The following HSD17B12 variants were observed in gnomAD, a reference collection of about 807,000 sequenced individuals.
The protein encoded by HSD17B12 is hydroxysteroid 17-beta dehydrogenase 12.
HSD17B12 carries 32 observed loss-of-function variants against 39.3 expected under a neutral mutation model. That is an observed-to-expected ratio of 0.81 (90% CI 0.61 to 1.09). The LOEUF is 1.09. Ranked by LOEUF, HSD17B12 falls within the 50% of genes least tolerant of loss-of-function variation. HSD17B12 has a pLI of 0.00. For synonymous variants in HSD17B12, 150 were observed against 146.7 expected (o/e 1.02, Z -0.16); for missense variants, 342 against 382.9 (o/e 0.89, Z 0.89).
chr11:43,704,812 A>G (rs749157343), intron 1 of HSD17B12, among the ~76,000 whole-genome samples: 2 of 152,160 alleles, frequency 1.3e-5, no homozygotes, highest in Non-Finnish European at 2.9e-5. Flanking sequence ...CACCTTGAAG[A>G]CCAGACAGAA....
At chr11:43,560,929 A>G in the HSD17B12 span, among the ~76,000 whole-genome samples, 1 of 152,194 alleles carries the variant, frequency 6.6e-6, no homozygotes, top group Non-Finnish European at 1.5e-5. Context: ...GCAGCAAAAA[A>G]AAACTTGAAC....
chr11:43,783,286 A>G (rs949263730), intron 3 of HSD17B12, among the ~76,000 whole-genome samples: 2 of 152,060 alleles, frequency 1.3e-5, no homozygotes, highest in Middle Eastern at 6.8e-3. Context: ...CTTGATTTCG[A>G]TGGTTACATC....
At chr11:43,638,582 G>A in the HSD17B12 span, among the ~76,000 whole-genome samples, 4 of 152,184 alleles carry the variant, frequency 2.6e-5, no homozygotes, top group Non-Finnish European at 5.9e-5. Context: ...AAACGGAAAG[G>A]GAAGTTTGGG....
the HSD17B12 span, among the ~76,000 whole-genome samples, chr11:43,625,137 G>GT: frequency 2.0e-5 from 3 of 151,728 alleles, no homozygotes; most frequent in African/African-American, 7.2e-5. Context: ...GCTGTTTTAT[G>GT]TTTTAAAAAA....
At chr11:43,571,065 C>T in the HSD17B12 span, among the ~76,000 whole-genome samples, 1 of 152,196 alleles carries the variant, frequency 6.6e-6, no homozygotes, top group African/African-American at 2.4e-5. Flanking sequence ...TCTTGGCCTA[C>T]CAGATATAGT....
At position 43,778,429 on chromosome 11, in the gene HSD17B12, C is replaced by T. The variant is rs11037630; in HGVS notation, c.284-19891C>T. ...GTATAAGGAGGAACTGGTACCATTC[C>T]TTCTGAAACTATTCCAATCAATAGA... On this transcript the variant is annotated intron_variant, in intron 3 of 10. Coordinates refer to ENST00000278353, the MANE Select transcript of HSD17B12 (RefSeq NM_016142.3). 3.8e-3 allele frequency among the ~76,000 whole-genome samples: 585 copies of T among 152,186 alleles called. 3 individuals are homozygous for T. In the East Asian group the frequency reaches 0.043, roughly 11 times the overall value.
At chr11:43,851,062 A>G (rs1186138927) in intron 9 of HSD17B12, among the ~76,000 whole-genome samples, 1 of 152,236 alleles carries the variant, frequency 6.6e-6, no homozygotes, top group Non-Finnish European at 1.5e-5. Context: ...CTCCATCTCA[A>G]GATACCAAGT....
At chr11:43,690,396 ATATATATATTT>A (rs1349568827) in intron 1 of HSD17B12, among the ~76,000 whole-genome samples, 1 of 27,416 alleles carries the variant, frequency 3.6e-5, no homozygotes, top group African/African-American at 2.4e-4. Context: ...ATATATATAT[ATATATATATTT>A]TTTTTTTTTT....
intron 3 of HSD17B12, among the ~76,000 whole-genome samples, chr11:43,796,632 A>G (rs1228845327): frequency 6.6e-6 from 1 of 152,242 alleles, no homozygotes; most frequent in African/African-American, 2.4e-5. Context: ...AAGTATGTAC[A>G]TTCAGCAAAT....
the HSD17B12 span, among the ~76,000 whole-genome samples, chr11:43,636,098 C>G: frequency 1.3e-5 from 2 of 152,150 alleles, no homozygotes; most frequent in Non-Finnish European, 2.9e-5. Flanking sequence ...CCTTGAAAGT[C>G]CCACTTTTGT....
chr11:43,655,030 C>T, the HSD17B12 span, among the ~76,000 whole-genome samples: 354 of 152,278 alleles, frequency 2.3e-3, 3 homozygotes, highest in African/African-American at 8.2e-3. Flanking sequence ...ATTCTTCCTA[C>T]CCATGAGCAT....
chr11:43,776,667 T>G (rs1384793002), intron 3 of HSD17B12, among the ~76,000 whole-genome samples: 3 of 152,256 alleles, frequency 2.0e-5, no homozygotes, highest in East Asian at 3.8e-4. Flanking sequence ...GTTTTAGACA[T>G]GAAGTCCTTG....
chr11:43,817,483 C>G (rs1470862885), intron 6 of HSD17B12, among the ~76,000 whole-genome samples: 1 of 152,006 alleles, frequency 6.6e-6, no homozygotes, highest in African/African-American at 2.4e-5. Context: ...GTTTCAGGTC[C>G]TAAATTTAAG....
intron 9 of HSD17B12, chr11:43,852,506 A>T (rs1414696529): frequency 6.6e-6 from 1 of 151,754 alleles, no homozygotes; most frequent in African/African-American, 2.4e-5. Context: ...AACCTAATGC[A>T]TAGAAATGAG....
chr11:43,715,890 G>C (rs1950117973), intron 1 of HSD17B12, among the ~76,000 whole-genome samples: 1 of 152,096 alleles, frequency 6.6e-6, no homozygotes. Flanking sequence ...CTGATTTTAA[G>C]TCCTCCTGCT....
chr11:43,773,321 G>T (rs779133106), intron 3 of HSD17B12, among the ~76,000 whole-genome samples: 6 of 152,128 alleles, frequency 3.9e-5, no homozygotes, highest in Non-Finnish European at 8.8e-5. Context: ...ATAGCTCACT[G>T]TAACTTTAAA....
intron 1 of HSD17B12, among the ~76,000 whole-genome samples, chr11:43,744,047 T>G (rs1950392445): frequency 6.6e-6 from 1 of 151,962 alleles, no homozygotes; most frequent in Non-Finnish European, 1.5e-5. Context: ...CAACCTACAT[T>G]TAAAAAGTAC....
intron 1 of HSD17B12, among the ~76,000 whole-genome samples, chr11:43,707,113 T>G (rs1950023875): frequency 6.6e-6 from 1 of 152,238 alleles, no homozygotes; most frequent in South Asian, 2.1e-4. Flanking sequence ...GTTATTCTTT[T>G]ATTTAACTGA....
At chr11:43,664,000 C>T in the HSD17B12 span, among the ~76,000 whole-genome samples, 1 of 151,978 alleles carries the variant, frequency 6.6e-6, no homozygotes, top group Non-Finnish European at 1.5e-5. Context: ...CAGGCATGCG[C>T]CACCATGCCT....
Sources: allele counts gnomAD v4.1 joint callset (sites outside exome capture counted in the v4.1 genomes callset), GRCh38; gene constraint gnomAD v4.1.1; transcripts MANE v1.5; gene names NCBI Gene and HGNC (gene_info 2026-07-23, HGNC 2026-07-21).